SNX14: variants seen among roughly 807,000 people sequenced by gnomAD.
The protein encoded by SNX14 is sorting nexin 14.
A neutral mutation model predicts 133.8 loss-of-function variants in SNX14; 93 were observed. That is an observed-to-expected ratio of 0.70 (90% confidence interval 0.59 to 0.83). The LOEUF (loss-of-function observed/expected upper bound fraction) is 0.83. Ranked by LOEUF, SNX14 falls within the 40% of genes least tolerant of loss-of-function variation. The pLI, the probability that SNX14 is intolerant of heterozygous loss-of-function variation, is 0.00. For missense variants in SNX14, 945 were observed against 1,094.9 expected, an observed-to-expected ratio of 0.86 and a Z score of 1.93; for synonymous variants, 368 against 365.6, an observed-to-expected ratio of 1.01 and a Z score of -0.07.
chr6:85,542,737 AG>A (rs1228266668), intron 14 of SNX14, among the ~76,000 whole-genome samples: 1 of 152,014 alleles, frequency 6.6e-6, no homozygotes, highest in Admixed American at 6.6e-5. Flanking sequence ...ATAGCGAAAA[AG>A]AATATTTACT....
intron 1 of SNX14, among the ~76,000 whole-genome samples, chr6:85,575,328 G>A (rs569090273): frequency 1.6e-4 from 25 of 152,318 alleles, no homozygotes; most frequent in African/African-American, 5.8e-4. Context: ...TTAACTGTGA[G>A]TAACTGTATA....
chr6:85,535,478 T>C (rs989243919), intron 17 of SNX14, among the ~76,000 whole-genome samples: 48 of 151,334 alleles, frequency 3.2e-4, no homozygotes, highest in African/African-American at 9.9e-4. Flanking sequence ...TAGCTGGGCA[T>C]GGTGGCGGGC....
At chr6:85,543,891 T>A (rs1784654257) in intron 12 of SNX14, 131 bp from the exon 13 acceptor site, 2 of 427,716 alleles carry the variant, frequency 4.7e-6, no homozygotes, top group East Asian at 8.9e-5. Flanking sequence ...TCTAAGTTTT[T>A]AAAAAATATT....
chr6:85,554,308 GTATA>G (rs550501270), intron 7 of SNX14, among the ~76,000 whole-genome samples: 2 of 151,408 alleles, frequency 1.3e-5, no homozygotes, highest in Non-Finnish European at 2.9e-5. Flanking sequence ...ACACACATGT[GTATA>G]TATATACACA....
In SNX14 at chr6:85,505,705, T is replaced by C; in HGVS notation, c.*262A>G. ...TTATCTGTTTGCCATAACATCATTA[T>C]GAATTTTCTCTTTTAAAAATGGCAA... is the stretch of plus-strand genomic sequence containing the variant. On this transcript the variant is annotated 3_prime_UTR_variant, in exon 29 of 29. Coordinates refer to ENST00000314673, the MANE Select transcript of SNX14 (RefSeq NM_153816.6). 3 of 427,392 alleles carry C rather than the reference T, an allele frequency of 7.0e-6. No homozygotes were observed. The highest frequency in any genetic ancestry group is 1.2e-5 in the Non-Finnish European group (3 of 242,314). 26.5% of individuals were successfully genotyped at this position (427,392 alleles called of 1,614,324 possible). A position where few individuals can be genotyped will look rare whatever the true frequency, so the allele number is the denominator to read the frequency against.
At chr6:85,561,504 T>C (rs1436590892) in intron 6 of SNX14, among the ~76,000 whole-genome samples, 7 of 152,240 alleles carry the variant, frequency 4.6e-5, no homozygotes, top group African/African-American at 1.7e-4. Flanking sequence ...CATCAACCAA[T>C]TGATATTTCT....
intron 7 of SNX14, among the ~76,000 whole-genome samples, chr6:85,552,032 C>CTTTTTTT (rs71551482): frequency 2.6e-5 from 3 of 114,142 alleles, no homozygotes; most frequent in African/African-American, 3.5e-5. Context: ...TGTTGGGAAT[C>CTTTTTTT]TTTTTTTTTT....
In SNX14 at chr6:85,549,828, T is replaced by A; in HGVS notation, c.686A>T (p.Glu229Val). 1 of 1,613,958 alleles carries A rather than the reference T, an allele frequency of 6.2e-7. No homozygotes were observed. Residue 229 changes from glutamate (E) to valine (V), a missense_variant, in exon 8 of 29, where the codon GAG (glutamate) becomes GTG (valine). Physicochemically the swap from Glu to Val is moderately radical, Grantham distance 121 (BLOSUM62 -2). Transcript: ENST00000314673. ...QQAALEEYGP[E>V]LHVALRSRRD... is the part of the protein sequence containing the mutation. ...TCGACTTCTCAAAGCAACATGAAGCTCTGGACCATATTCTTCTAAAGCAGC... is the reference window on the plus strand; with the variant it reads ...TCGACTTCTCAAAGCAACATGAAGCACTGGACCATATTCTTCTAAAGCAGC...
intron 14 of SNX14, among the ~76,000 whole-genome samples, chr6:85,542,793 T>C (rs1015642371): frequency 2.6e-5 from 4 of 152,082 alleles, no homozygotes; most frequent in African/African-American, 9.7e-5. Flanking sequence ...TGAGACGGAG[T>C]CTTGCTCTAT....
chr6:85,543,286 C>T lies in SNX14; in HGVS notation c.1285G>A (p.Asp429Asn). Residue 429 changes from aspartate to asparagine, a missense_variant, in exon 14 of 29, where the codon GAT (aspartate) becomes AAT (asparagine). Transcript: ENST00000314673. ...CTCATAGTTTGAAGTTTCACAACAT[C>T]TATGTATGGGCCTTCAGCAACTATT... The part of the protein sequence containing the change: ...IQRIAEGPYI[D>N]VVKLQTMRCL... The T allele has an allele frequency of 6.3e-7, 1 of 1,588,894 alleles. No individual in the cohort carries two copies. The highest frequency in any genetic ancestry group is 8.5e-7 in the Non-Finnish European group (1 of 1,171,414).
chr6:85,554,821 T>C (rs1048962565), intron 7 of SNX14, among the ~76,000 whole-genome samples: 9 of 152,094 alleles, frequency 5.9e-5, no homozygotes, highest in African/African-American at 2.2e-4. Context: ...TTCTCCTTTT[T>C]TCTTTCTTCT....
chr6:85,535,089 C>T (rs1390260847), intron 17 of SNX14, among the ~76,000 whole-genome samples: 2 of 146,384 alleles, frequency 1.4e-5, no homozygotes, highest in African/African-American at 5.1e-5. Context: ...AGTACAGTGA[C>T]ACAAACATGG....
Position 85,583,069 on chromosome 6 carries a change from C to T in SNX14, c.141-8691G>A, listed in dbSNP as rs377368757. On this transcript the variant is annotated intron_variant, in intron 1 of 28. Coordinates refer to ENST00000314673, the MANE Select transcript of SNX14 (RefSeq NM_153816.6). ...TCCAGCACATCCACCATGATCAAGT[C>T]GGCTTCATCCCTGGAATGCAAGGCT... Among the ~76,000 whole-genome samples, 143 of 152,162 alleles carry T rather than the reference C, an allele frequency of 9.4e-4. 1 individual carries two copies. In the South Asian group the frequency reaches 0.026, roughly 28 times the overall value.
intron 26 of SNX14, among the ~76,000 whole-genome samples, chr6:85,512,637 A>G (rs1034862882): frequency 1.2e-4 from 19 of 152,108 alleles, no homozygotes; most frequent in African/African-American, 4.1e-4. Flanking sequence ...AAAAAAAAAA[A>G]AAATGTGGAT....
intron 23 of SNX14, among the ~76,000 whole-genome samples, chr6:85,515,860 C>T (rs940413750): frequency 1.6e-4 from 24 of 151,586 alleles, no homozygotes; most frequent in Non-Finnish European, 2.8e-4. Flanking sequence ...ATTTTCAGCA[C>T]GGTTTGCATT....
At chr6:85,581,511 G>C (rs1799057497) in intron 1 of SNX14, 1 of 152,092 alleles carries the variant, frequency 6.6e-6, no homozygotes, top group Non-Finnish European at 1.5e-5. Flanking sequence ...TAAAGCACGA[G>C]GGACCAATCC....
intron 21 of SNX14, among the ~76,000 whole-genome samples, chr6:85,523,294 G>T (rs1777481277): frequency 6.6e-6 from 1 of 152,192 alleles, no homozygotes; most frequent in Non-Finnish European, 1.5e-5. Flanking sequence ...GATTAACGTG[G>T]CTATGTTACA....
chr6:85,581,708 T>C (rs1298607141), intron 1 of SNX14: 1 of 152,190 alleles, frequency 6.6e-6, no homozygotes, highest in African/African-American at 2.4e-5. Context: ...AACTGACATA[T>C]AGAAGAATGC....
At chr6:85,549,269 T>C (rs546213088) in intron 8 of SNX14, among the ~76,000 whole-genome samples, 1 of 152,172 alleles carries the variant, frequency 6.6e-6, no homozygotes, top group South Asian at 2.1e-4. Flanking sequence ...TATGGAATAA[T>C]CTAAACATGC....
Sources: allele counts gnomAD v4.1 joint callset (sites outside exome capture counted in the v4.1 genomes callset), GRCh38; gene constraint gnomAD v4.1.1; transcripts MANE v1.5; gene names NCBI Gene and HGNC (gene_info 2026-07-23, HGNC 2026-07-21).